CCR5AS: variants seen among roughly 807,000 people sequenced by gnomAD.
CCR5AS encodes CCR5 antisense RNA.
chr3:46,391,288 G>T (rs1226265598), intron 2 of CCR5AS, among the ~76,000 whole-genome samples: 1 of 152,194 alleles, frequency 6.6e-6, no homozygotes, highest in Admixed American at 6.5e-5. Context: ...TGTGGCTGGG[G>T]TTTCTCTTAC....
intron 2 of CCR5AS, chr3:46,375,725 G>GA (rs1701746810): frequency 1.2e-5 from 2 of 166,654 alleles, no homozygotes; most frequent in Admixed American, 1.3e-4. Context: ...AGAAGCAACA[G>GA]AAAAAATCGT....
At chr3:46,365,087 T>C (rs2373227) in intron 3 of CCR5AS, 19,384 of 152,978 alleles carry the variant, frequency 0.13, 1,541 homozygotes, top group East Asian at 0.28. Context: ...TTTAGAATAT[T>C]ACATAAATTT....
chr3:46,400,157 A>G (rs948863790), intron 1 of CCR5AS, among the ~76,000 whole-genome samples: 1 of 151,980 alleles, frequency 6.6e-6, no homozygotes, highest in African/African-American at 2.4e-5. Context: ...ACTCCCAGCT[A>G]TATTTTGTAC....
intron 1 of CCR5AS, among the ~76,000 whole-genome samples, chr3:46,404,311 CTCTCTCTCTCTCTCTCTT>C (rs2106783070): frequency 1.1e-5 from 1 of 87,334 alleles, no homozygotes; most frequent in African/African-American, 4.3e-5. Context: ...CTCTCTCTCT[CTCTCTCTCTCTCTCTCTT>C]TTTTTTTTTT....
intron 2 of CCR5AS, among the ~76,000 whole-genome samples, chr3:46,383,653 G>T (rs1701833447): frequency 1.3e-5 from 2 of 152,150 alleles, no homozygotes; most frequent in Admixed American, 1.3e-4. Flanking sequence ...AGAGGGATGG[G>T]AAGTGTTTCC....
At chr3:46,383,779 G>A (rs868534192) in intron 2 of CCR5AS, among the ~76,000 whole-genome samples, 61 of 152,166 alleles carry the variant, frequency 4.0e-4, no homozygotes, top group African/African-American at 1.4e-3. Context: ...TAGTTCAGTT[G>A]TGCACTAACC....
chr3:46,377,737 G>T (rs969377298), intron 2 of CCR5AS, among the ~76,000 whole-genome samples: 8 of 151,250 alleles, frequency 5.3e-5, no homozygotes, highest in African/African-American at 1.7e-4. Context: ...ATGGAGTCTC[G>T]CTCTGTTGCC....
At chr3:46,380,599 G>C (rs1701806727) in intron 2 of CCR5AS, among the ~76,000 whole-genome samples, 1 of 152,176 alleles carries the variant, frequency 6.6e-6, no homozygotes, top group Non-Finnish European at 1.5e-5. Flanking sequence ...GTCTGGAGTG[G>C]GCTCCAACAG....
intron 1 of CCR5AS, among the ~76,000 whole-genome samples, chr3:46,395,650 C>G (rs1455899810): frequency 6.6e-6 from 1 of 152,188 alleles, no homozygotes; most frequent in Non-Finnish European, 1.5e-5. Context: ...CCACTCATGG[C>G]AAAGGAATAC....
intron 1 of CCR5AS, among the ~76,000 whole-genome samples, chr3:46,405,397 C>T (rs558874990): frequency 6.6e-6 from 1 of 152,324 alleles, no homozygotes; most frequent in East Asian, 1.9e-4. Context: ...TTGTCCTCTA[C>T]TAATGAGGAA....
intron 3 of CCR5AS, among the ~76,000 whole-genome samples, chr3:46,367,072 C>G (rs1431364736): frequency 1.3e-5 from 2 of 152,026 alleles, no homozygotes; most frequent in African/African-American, 4.8e-5. Context: ...TGAAGCCAGA[C>G]AGGAAAGAGG....
At chr3:46,377,876 T>G (rs1701778172) in intron 2 of CCR5AS, among the ~76,000 whole-genome samples, 1 of 152,084 alleles carries the variant, frequency 6.6e-6, no homozygotes, top group African/African-American at 2.4e-5. Context: ...TGGGTAATTT[T>G]TTGTATTTTT....
chr3:46,399,371 G>T lies in CCR5AS; in HGVS notation n.164-6319C>A, dbSNP rs1450554281. Among the ~76,000 whole-genome samples, 5 of 152,144 alleles carry T rather than the reference G, an allele frequency of 3.3e-5. No individual in the cohort carries two copies. The East Asian group carries it at 9.6e-4, about 29-fold the overall frequency. On this transcript the variant is annotated intron_variant and non_coding_transcript_variant, in intron 1 of 3. Coordinates refer to ENST00000451485, the Ensembl canonical transcript of CCR5AS. Reference sequence around the variant, plus strand: ...GACCAATCTCAGTGGAATGGTGGGGGCAGAAGCCAGGCTGCAGGGTGTAGA... The same window carrying T: ...GACCAATCTCAGTGGAATGGTGGGGTCAGAAGCCAGGCTGCAGGGTGTAGA...
At chr3:46,369,003 A>C (rs2856757) in intron 3 of CCR5AS, among the ~76,000 whole-genome samples, 48,582 of 152,096 alleles carry the variant, frequency 0.32, 8,839 homozygotes, top group East Asian at 0.55. Context: ...GAAAAACCAA[A>C]GTTGTATTTA....
rs1256332630 is a variant in CCR5AS, at chr3:46,393,466, AAAAAG to A, written n.164-419_164-415del. 4.0e-3 allele frequency among the ~76,000 whole-genome samples: 588 copies of A among 147,764 alleles called. 4 individuals carry two copies. Among genetic ancestry groups the A allele is most frequent in the African/African-American group, 0.012 (494 of 40,020 alleles). On this transcript the variant is annotated intron_variant and non_coding_transcript_variant, in intron 1 of 3. Transcript: ENST00000451485. Reference sequence around the variant, plus strand: ...TGCCTGGGCAACAGAGCCACAAAAAAAAAAGAAAAGAAAAGAAAAGAAAAAAAAAG... The same window carrying A: ...TGCCTGGGCAACAGAGCCACAAAAAAAAAAGAAAAGAAAAGAAAAAAAAAG...
intron 2 of CCR5AS, chr3:46,372,827 A>G: frequency 8.6e-7 from 1 of 1,161,398 alleles, no homozygotes. Flanking sequence ...AACAGTTTGC[A>G]TTCATGGAGG....
intron 2 of CCR5AS, among the ~76,000 whole-genome samples, chr3:46,379,291 G>A (rs1235679321): frequency 2.0e-5 from 3 of 150,500 alleles, no homozygotes; most frequent in East Asian, 3.9e-4. Flanking sequence ...TTGTTCTTGC[G>A]ATAGTTTACT....
intron 3 of CCR5AS, among the ~76,000 whole-genome samples, chr3:46,369,343 T>C (rs1701632198): frequency 1.3e-5 from 2 of 151,378 alleles, no homozygotes; most frequent in East Asian, 1.9e-4. Flanking sequence ...ATTGCACATA[T>C]GGGATGAACT....
At chr3:46,371,786 C>T (rs1701663629) in intron 2 of CCR5AS, among the ~76,000 whole-genome samples, 1 of 152,180 alleles carries the variant, frequency 6.6e-6, no homozygotes, top group Admixed American at 6.5e-5. Flanking sequence ...ACTACAAACA[C>T]AAACTTCACA....
Sources: gnomAD v4.1 joint callset for allele counts (sites outside exome capture counted in the v4.1 genomes callset) on GRCh38, gnomAD v4.1.1 for gene constraint, MANE v1.5 for transcripts, NCBI Gene and HGNC (gene_info 2026-07-23, HGNC 2026-07-21) for gene names.